PHACTR1: variants seen among roughly 807,000 people sequenced by gnomAD.
The protein encoded by PHACTR1 is phosphatase and actin regulator 1, also known as RPEL repeat containing 1.
PHACTR1 carries 16 observed loss-of-function variants against 69.2 expected under a neutral mutation model. The ratio of observed to expected loss-of-function variants is 0.23; its 90% confidence interval spans 0.16 to 0.35. The LOEUF (loss-of-function observed/expected upper bound fraction) is 0.35. Ranked by LOEUF, PHACTR1 falls within the 10% of genes least tolerant of loss-of-function variation. PHACTR1 has a pLI of 1.00. For missense variants in PHACTR1, 510 were observed against 734.7 expected, an observed-to-expected ratio of 0.69 and a Z score of 3.54; for synonymous variants, 312 against 284.5, an observed-to-expected ratio of 1.10 and a Z score of -0.97.
intron 10 of PHACTR1, among the ~76,000 whole-genome samples, chr6:13,262,779 T>C (rs1255588948): frequency 6.6e-6 from 1 of 152,252 alleles, no homozygotes; most frequent in Admixed American, 6.5e-5. Context: ...AGAGAGGATC[T>C]TATTTTCTGT....
intron 4 of PHACTR1, among the ~76,000 whole-genome samples, chr6:12,922,531 T>A (rs1462487861): frequency 6.6e-6 from 1 of 152,190 alleles, no homozygotes; most frequent in Admixed American, 6.5e-5. Flanking sequence ...TGAATATGCA[T>A]GGAACAGCTA....
At chr6:12,753,963 TATATA>T (rs368155136) in intron 4 of PHACTR1, among the ~76,000 whole-genome samples, 44,944 of 120,704 alleles carry the variant, frequency 0.37, 7,608 homozygotes, top group Non-Finnish European at 0.41. Flanking sequence ...TATATATATA[TATATA>T]TATTTTTTTT....
chr6:12,974,798 A>G (rs1432467625), intron 4 of PHACTR1, among the ~76,000 whole-genome samples: 1 of 152,228 alleles, frequency 6.6e-6, no homozygotes. Context: ...CACAGAAAAT[A>G]CCAGCAGGGA....
chr6:12,779,463 T>C (rs1770533579), intron 4 of PHACTR1, among the ~76,000 whole-genome samples: 1 of 129,070 alleles, frequency 7.7e-6, no homozygotes, highest in Non-Finnish European at 1.7e-5. Context: ...TATTTACTTC[T>C]GTTAATTAAA....
chr6:12,799,678 T>G (rs1773475918), intron 4 of PHACTR1, among the ~76,000 whole-genome samples: 1 of 152,216 alleles, frequency 6.6e-6, no homozygotes, highest in South Asian at 2.1e-4. Flanking sequence ...ACCTTGGTAG[T>G]CTGGCCAAGC....
intron 4 of PHACTR1, among the ~76,000 whole-genome samples, chr6:13,032,217 T>C (rs34267578): frequency 0.17 from 25,163 of 152,246 alleles, 2,592 homozygotes; most frequent in South Asian, 0.26. Flanking sequence ...ACACATTATA[T>C]ACTGAATATC....
At chr6:13,151,521 C>T (rs539748452) in intron 5 of PHACTR1, among the ~76,000 whole-genome samples, 1 of 152,272 alleles carries the variant, frequency 6.6e-6, no homozygotes, top group South Asian at 2.1e-4. Context: ...CAAGTATGAA[C>T]ACAGTAGCGA....
intron 4 of PHACTR1, among the ~76,000 whole-genome samples, chr6:12,930,613 G>C (rs1392632498): frequency 1.3e-5 from 2 of 152,182 alleles, no homozygotes; most frequent in Non-Finnish European, 2.9e-5. Flanking sequence ...GACTCTAACT[G>C]GTTGGAAGGG....
At chr6:13,255,244 A>G (rs1293941076) in intron 10 of PHACTR1, among the ~76,000 whole-genome samples, 1 of 152,198 alleles carries the variant, frequency 6.6e-6, no homozygotes, top group Non-Finnish European at 1.5e-5. Context: ...CTCATTCACT[A>G]TCAGGAGAAC....
chr6:13,075,096 A>G (rs1810211113), intron 5 of PHACTR1, among the ~76,000 whole-genome samples: 1 of 152,186 alleles, frequency 6.6e-6, no homozygotes. Flanking sequence ...TACAAAAGAC[A>G]TTTTCACCAA....
chr6:12,828,392 A>G (rs186616726), intron 4 of PHACTR1, among the ~76,000 whole-genome samples: 1 of 152,358 alleles, frequency 6.6e-6, no homozygotes, highest in African/African-American at 2.4e-5. Context: ...TTTTGATTGT[A>G]TAGAAGGATG....
At chr6:12,893,003 A>G (rs1332987508) in intron 4 of PHACTR1, among the ~76,000 whole-genome samples, 1 of 152,126 alleles carries the variant, frequency 6.6e-6, no homozygotes, top group Non-Finnish European at 1.5e-5. Context: ...GAGAAGGAAG[A>G]GAGAGAGAGA....
intron 4 of PHACTR1, among the ~76,000 whole-genome samples, chr6:12,866,472 A>G (rs1267553564): frequency 1.3e-5 from 2 of 152,080 alleles, no homozygotes; most frequent in African/African-American, 4.8e-5. Context: ...TCTCCCTGAA[A>G]AAGAATGGAA....
intron 6 of PHACTR1, among the ~76,000 whole-genome samples, chr6:13,161,378 C>T (rs926822978): frequency 6.6e-6 from 1 of 152,176 alleles, no homozygotes; most frequent in Non-Finnish European, 1.5e-5. Context: ...CTTTCTCTCA[C>T]TCTGAGGACC....
intron 8 of PHACTR1, among the ~76,000 whole-genome samples, chr6:13,224,133 G>A (rs1048285685): frequency 6.6e-6 from 1 of 152,198 alleles, no homozygotes; most frequent in Non-Finnish European, 1.5e-5. Context: ...TGTCAGGCAC[G>A]ATACTAGGCA....
At chr6:12,963,885 TTTCAAGGTTCATAAC>T (rs1257869883) in intron 4 of PHACTR1, among the ~76,000 whole-genome samples, 2 of 152,230 alleles carry the variant, frequency 1.3e-5, no homozygotes, top group Non-Finnish European at 2.9e-5. Flanking sequence ...TTAGCTCTGA[TTTCAAGGTTCATAAC>T]TTGCCCAAAA....
At chr6:12,846,998 G>A (rs1456990036) in intron 4 of PHACTR1, among the ~76,000 whole-genome samples, 1 of 140,758 alleles carries the variant, frequency 7.1e-6, no homozygotes, top group African/African-American at 2.7e-5. Context: ...TTTTTTTTTT[G>A]TAGAGATGGA....
rs141352916 is a variant in PHACTR1, at chr6:12,955,694, C to T, written c.251-97671C>T. Among the ~76,000 whole-genome samples the T allele has an allele frequency of 4.0e-3, 608 of 152,264 alleles. 1 individual carries two copies. The highest frequency in any genetic ancestry group is 0.013 in the African/African-American group (539 of 41,548). ...ATTAAGAAAGAAGTTACTGTAGCAA[C>T]GGCCACAATAGCTTGTATTTACTAC... is the stretch of plus-strand genomic sequence containing the variant. On this transcript the variant is annotated intron_variant, in intron 4 of 14. Transcript: ENST00000332995.
At chr6:13,087,301 C>T (rs1443112655) in intron 5 of PHACTR1, among the ~76,000 whole-genome samples, 1 of 151,008 alleles carries the variant, frequency 6.6e-6, no homozygotes, top group Non-Finnish European at 1.5e-5. Flanking sequence ...AACCATTCTA[C>T]CAAACCATCG....
Sources: gnomAD v4.1 joint callset for allele counts (sites outside exome capture counted in the v4.1 genomes callset) on GRCh38, gnomAD v4.1.1 for gene constraint, MANE v1.5 for transcripts, NCBI Gene and HGNC (gene_info 2026-07-23, HGNC 2026-07-21) for gene names.